Variants in UACA observed in about 807,000 individuals in gnomAD.
The protein encoded by UACA is uveal autoantigen with coiled-coil domains and ankyrin repeats.
UACA carries 112 observed loss-of-function variants against 160.5 expected under a neutral mutation model. That is an observed-to-expected ratio of 0.70 (90% CI 0.60 to 0.82). UACA has a LOEUF of 0.82. Among genes scored for constraint, UACA ranks in the 40% least tolerant of loss-of-function variants. The pLI, the probability that UACA is intolerant of heterozygous loss-of-function variation, is 0.00. For synonymous variants in UACA, 557 were observed against 568.4 expected (o/e 0.98, Z 0.29); for missense variants, 1,574 against 1,614.6 (o/e 0.97, Z 0.43).
upstream of UACA, among the ~76,000 whole-genome samples, chr15:70,767,663 C>T (rs1465582111): frequency 6.6e-6 from 1 of 152,128 alleles, no homozygotes; most frequent in Non-Finnish European, 1.5e-5. Context: ...ATAAAGATCT[C>T]CTTCCAGACA....
At position 70,668,349 on chromosome 15, in the gene UACA, T is replaced by G. The variant is rs760189268; in HGVS notation, c.2335A>C (p.Lys779Gln). The G allele has an allele frequency of 1.2e-6, 2 of 1,609,256 alleles. No homozygotes were observed. Among genetic ancestry groups the G allele is most frequent in the South Asian group, 1.1e-5 (1 of 89,422 alleles). ...LDVTQKYTEK[K>Q]LEMEKLLLEN... ...AGTAGCAATTTCTCCATTTCCAACT[T>G]CTTTTCTGTATATTTTTGTGTTACA... Residue 779 changes from lysine (K) to glutamine (Q), a missense_variant, in exon 16 of 19, where the codon AAG (lysine) becomes CAG (glutamine). Transcript: ENST00000322954.
chr15:70,738,427 A>C (rs1332037034), intron 1 of UACA, among the ~76,000 whole-genome samples: 1 of 152,042 alleles, frequency 6.6e-6, no homozygotes, highest in East Asian at 1.9e-4. Flanking sequence ...ATAACTAGTA[A>C]GTCATCAAAC....
rs1013370331 is a variant in UACA at position 70,705,366 on chromosome 15, G to A, written c.79-5706C>T. Reference sequence around the variant, plus strand: ...CAATGGGGTTTAGTAGAGAAACCCCGTCTCTATTAAAAATACAAAATTAGC... The same window carrying A: ...CAATGGGGTTTAGTAGAGAAACCCCATCTCTATTAAAAATACAAAATTAGC... On this transcript the variant is annotated intron_variant, in intron 1 of 18. Coordinates refer to ENST00000322954, the MANE Select transcript of UACA (RefSeq NM_018003.4). Among the ~76,000 whole-genome samples the A allele has an allele frequency of 6.6e-5, 10 of 151,774 alleles. No individual in the cohort carries two copies. The South Asian group carries it at 8.3e-4, about 13-fold the overall frequency.
upstream of UACA, chr15:70,768,300 C>T (rs1479812231): frequency 6.6e-6 from 1 of 152,188 alleles, no homozygotes; most frequent in Non-Finnish European, 1.5e-5. Flanking sequence ...CTCTCTCTGT[C>T]TTCCTTGGCA....
chr15:70,773,106 A>C, the UACA span, among the ~76,000 whole-genome samples: 1 of 152,008 alleles, frequency 6.6e-6, no homozygotes. Flanking sequence ...ACCAGCAAAG[A>C]AGACTGAGAG....
At chr15:70,718,028 T>TACACACACACACACACACACAC (rs140483075) in intron 1 of UACA, among the ~76,000 whole-genome samples, 2 of 142,680 alleles carry the variant, frequency 1.4e-5, no homozygotes, top group African/African-American at 5.3e-5. Flanking sequence ...AATTTCTTTA[T>TACACACACACACACACACACAC]ACACACACAC....
At chr15:70,749,990 AG>A (rs1292259160) in intron 1 of UACA, among the ~76,000 whole-genome samples, 1 of 152,286 alleles carries the variant, frequency 6.6e-6, no homozygotes, top group East Asian at 1.9e-4. Context: ...CATCAAACCC[AG>A]GACATTTGGA....
At chr15:70,685,124 A>G (rs142572501) in intron 7 of UACA, among the ~76,000 whole-genome samples, 87 of 152,290 alleles carry the variant, frequency 5.7e-4, no homozygotes, top group African/African-American at 2.0e-3. Flanking sequence ...CTTCTACCTG[A>G]AGACCTTCAC....
At chr15:70,754,089 A>G (rs1327788872) in intron 1 of UACA, 6 of 455,866 alleles carry the variant, frequency 1.3e-5, no homozygotes, top group Non-Finnish European at 2.6e-5. Flanking sequence ...TACAGGCGTG[A>G]GCCACTACGC....
At chr15:70,746,805 A>T (rs1251096679) in intron 1 of UACA, among the ~76,000 whole-genome samples, 1 of 152,206 alleles carries the variant, frequency 6.6e-6, no homozygotes, top group Non-Finnish European at 1.5e-5. Context: ...AGGCAGCCAT[A>T]AAAAAGAATG....
At position 70,669,295 on chromosome 15, in the gene UACA, G is replaced by A. The variant is rs1370103425; in HGVS notation, c.1389C>T (p.Leu463=). ...CESAKQDRLK[L]QNELAHKVAE... ...CCACTTTGTGTGCCAGTTCATTTTG[G>A]AGCTTCAGTCGGTCTTGTTTTGCTG... Residue 463 remains leucine (L), a synonymous_variant, in exon 16 of 19, where the codon CTC becomes CTT. Transcript: ENST00000322954. 1.9e-6 allele frequency: 3 copies of A among 1,613,856 alleles called. No homozygotes were observed. The highest frequency in any genetic ancestry group is 1.7e-5 in the Admixed American group (1 of 59,978).
At chr15:70,706,677 A>G (rs2140975198) in intron 1 of UACA, among the ~76,000 whole-genome samples, 1 of 152,318 alleles carries the variant, frequency 6.6e-6, no homozygotes, top group Non-Finnish European at 1.5e-5. Context: ...AATCCAAGAC[A>G]AAATTAAACA....
At chr15:70,761,496 TC>T (rs1359341802) in intron 1 of UACA, among the ~76,000 whole-genome samples, 2 of 152,074 alleles carry the variant, frequency 1.3e-5, no homozygotes, top group Non-Finnish European at 2.9e-5. Flanking sequence ...GCAGAAAGGG[TC>T]TATTTCTCCT....
chr15:70,703,039 C>A (rs774229690), intron 1 of UACA: 10 of 1,204,988 alleles, frequency 8.3e-6, no homozygotes, highest in Non-Finnish European at 9.7e-6. Flanking sequence ...ACACATTAGA[C>A]AACGAGCTAG....
At chr15:70,727,508 A>C (rs1899184556) in intron 1 of UACA, among the ~76,000 whole-genome samples, 1 of 152,202 alleles carries the variant, frequency 6.6e-6, no homozygotes, top group Admixed American at 6.5e-5. Flanking sequence ...TTAAATAGAC[A>C]TTTTTATTAA....
chr15:70,666,010 T>C (rs1342056013), intron 16 of UACA, among the ~76,000 whole-genome samples: 2 of 152,166 alleles, frequency 1.3e-5, no homozygotes, highest in African/African-American at 4.8e-5. Flanking sequence ...AAAGCTAAGA[T>C]GGAAAGTTAA....
At chr15:70,718,028 TACACACACACACAC>T (rs140483075) in intron 1 of UACA, among the ~76,000 whole-genome samples, 3 of 142,676 alleles carry the variant, frequency 2.1e-5, no homozygotes, top group South Asian at 2.3e-4. Flanking sequence ...AATTTCTTTA[TACACACACACACAC>T]ACACACACAC....
At chr15:70,761,727 A>G (rs1267260472) in intron 1 of UACA, among the ~76,000 whole-genome samples, 1 of 152,208 alleles carries the variant, frequency 6.6e-6, no homozygotes, top group Non-Finnish European at 1.5e-5. Context: ...TGAGAAAAAT[A>G]GAACGCTCAA....
the UACA span, among the ~76,000 whole-genome samples, chr15:70,771,969 A>G: frequency 6.6e-6 from 1 of 152,198 alleles, no homozygotes; most frequent in Admixed American, 6.5e-5. Flanking sequence ...GGCCTAGTGG[A>G]CCAAAGAAGG....
Sources: gnomAD v4.1 joint callset for allele counts (sites outside exome capture counted in the v4.1 genomes callset) on GRCh38, gnomAD v4.1.1 for gene constraint, MANE v1.5 for transcripts, NCBI Gene and HGNC (gene_info 2026-07-23, HGNC 2026-07-21) for gene names.